The following SDHA variants were observed in gnomAD, a reference collection of about 807,000 sequenced individuals.
SDHA encodes the protein succinate dehydrogenase [ubiquinone] flavoprotein subunit, mitochondrial.
In SDHA, 48 loss-of-function variants were observed where a neutral mutation model predicts 78.4. That is an observed-to-expected ratio of 0.61 (90% CI 0.49 to 0.78). The LOEUF (loss-of-function observed/expected upper bound fraction) is 0.78, where lower values mean the gene tolerates loss of function less well. Ranked by LOEUF, SDHA falls within the 30% of genes least tolerant of loss-of-function variation. The pLI is 0.00. For missense variants in SDHA, 680 were observed against 892.7 expected (o/e 0.76, Z 3.04); for synonymous variants, 326 against 353.9 (o/e 0.92, Z 0.88).
At chr5:238,636 G>T (rs2126596646) in intron 10 of SDHA, among the ~76,000 whole-genome samples, 1 of 152,264 alleles carries the variant, frequency 6.6e-6, no homozygotes. Context: ...TCCCGAAGTG[G>T]TTACATGCGC....
intron 5 of SDHA, chr5:227,795 T>G (rs1204488989): frequency 3.4e-6 from 1 of 290,380 alleles, no homozygotes; most frequent in Non-Finnish European, 6.7e-6. Context: ...TTATTTTAAT[T>G]AATTAAGTGG....
rs570393010 is a variant in SDHA, at chr5:230,978, G to A, written c.873G>A (p.Glu291=). The A allele has an allele frequency of 6.4e-5, 103 of 1,613,970 alleles. No homozygotes were observed. The South Asian group carries it at 1.1e-3, about 18-fold the overall frequency. ...CAGGCCTTCCTTGCCAGGACCTAGA[G>A]TTTGTTCAGTTCCACCCTACAGGTA... is the stretch of plus-strand genomic sequence containing the variant. The part of the protein sequence containing the change: ...TRAGLPCQDL[E]FVQFHPTGIY... The change falls in exon 7 of 15, where the codon GAG becomes GAA. Residue 291 remains glutamate (E), a synonymous_variant. Transcript: ENST00000264932.
chr5:257,616 C>T (rs1324062498), downstream of SDHA, among the ~76,000 whole-genome samples: 1 of 116,688 alleles, frequency 8.6e-6, no homozygotes, highest in African/African-American at 4.4e-5. Context: ...CCACCCCCTG[C>T]CAGAGCATTA....
rs765784494 is a variant in SDHA at position 225,539 on chromosome 5, C to G, written c.433C>G (p.Gln145Glu). 2 of 1,613,830 alleles carry G rather than the reference C, an allele frequency of 1.2e-6. No homozygotes were observed. The highest frequency in any genetic ancestry group is 4.5e-5 in the East Asian group (2 of 44,884). The change falls in exon 4 of 15, where the codon CAG (glutamine) becomes GAG (glutamate). Residue 145 changes from glutamine (Q) to glutamate (E), a missense_variant. By Grantham distance (29) the Gln-to-Glu change is conservative. Coordinates refer to ENST00000264932, the MANE Select transcript of SDHA (RefSeq NM_004168.4). ...GGATGCCATCCACTACATGACGGAGCAGGCCCCCGCCGCCGTGGTCGAGGT... is the reference window on the plus strand; with the variant it reads ...GGATGCCATCCACTACATGACGGAGGAGGCCCCCGCCGCCGTGGTCGAGGT... The part of the protein sequence containing the change: ...DQDAIHYMTE[Q>E]APAAVVELEN...
intron 11 of SDHA, among the ~76,000 whole-genome samples, chr5:248,551 G>A (rs559419567): frequency 1.1e-3 from 166 of 152,158 alleles, no homozygotes; most frequent in African/African-American, 3.8e-3. Context: ...ACTCTATGAT[G>A]CAGTTACACA....
At chr5:246,734 T>C (rs547129612) in intron 11 of SDHA, among the ~76,000 whole-genome samples, 2 of 152,260 alleles carry the variant, frequency 1.3e-5, no homozygotes, top group African/African-American at 4.8e-5. Context: ...ACTGGTGTTA[T>C]TGTTCAAGAG....
intron 10 of SDHA, 25 bp downstream of exon 10, chr5:236,624 A>G: frequency 6.2e-7 from 1 of 1,609,430 alleles, no homozygotes; most frequent in Non-Finnish European, 8.5e-7. Context: ...CAGGAGCCAG[A>G]CTATTTGAGA....
the SDHA span, among the ~76,000 whole-genome samples, chr5:267,554 A>G: frequency 2.0e-5 from 3 of 152,234 alleles, no homozygotes; most frequent in Non-Finnish European, 4.4e-5. Flanking sequence ...TCAGATGCAT[A>G]AGAGGGTGCA....
At chr5:222,501 C>T (rs188064508) in intron 1 of SDHA, among the ~76,000 whole-genome samples, 7 of 152,106 alleles carry the variant, frequency 4.6e-5, no homozygotes, top group Non-Finnish European at 8.8e-5. Context: ...GTGCCCGCCA[C>T]GACGCCCAGC....
chr5:243,118 G>A (rs549363394), intron 11 of SDHA, among the ~76,000 whole-genome samples: 48 of 152,306 alleles, frequency 3.2e-4, no homozygotes, highest in African/African-American at 1.1e-3. Flanking sequence ...AATTCAGCAA[G>A]CTAGATGAGA....
chr5:226,466 T>C, intron 5 of SDHA, among the ~76,000 whole-genome samples: 1 of 152,090 alleles, frequency 6.6e-6, no homozygotes, highest in East Asian at 1.9e-4. Flanking sequence ...ACCCTGTCTC[T>C]ACAAAAAGTT....
intron 8 of SDHA, 152 bp downstream of exon 8, chr5:233,797 A>T: frequency 2.7e-6 from 2 of 735,576 alleles, no homozygotes; most frequent in Non-Finnish European, 4.6e-6. Context: ...TTAGTCTGCG[A>T]TATTTTCCTA....
In SDHA at chr5:233,598, T is replaced by C. The variant is rs752738784; in HGVS notation, c.1017T>C (p.Ser339=). 1.2e-6 allele frequency: 2 copies of C among 1,614,064 alleles called. No homozygotes were observed. Among genetic ancestry groups the C allele is most frequent in the Non-Finnish European group, 1.7e-6 (2 of 1,180,026 alleles). The stretch of plus-strand genomic sequence containing the variant: ...CCCCTGTCGCGAAGGACCTGGCGTC[T>C]AGAGATGTGGTGTCTCGGTCCATGA... The part of the protein sequence containing the change: ...RYAPVAKDLA[S]RDVVSRSMTL... Residue 339 remains serine (S), a synonymous_variant, in exon 8 of 15, where the codon TCT becomes TCC. Coordinates refer to ENST00000264932, the MANE Select transcript of SDHA (RefSeq NM_004168.4).
chr5:255,038 C>T (rs572988702), intron 14 of SDHA, among the ~76,000 whole-genome samples: 2 of 151,574 alleles, frequency 1.3e-5, no homozygotes, highest in Admixed American at 1.3e-4. Context: ...TTGGGGTGAG[C>T]AGTGTCCTGG....
At chr5:242,362 A>C (rs1736196426) in intron 11 of SDHA, among the ~76,000 whole-genome samples, 1 of 152,232 alleles carries the variant, frequency 6.6e-6, no homozygotes, top group Admixed American at 6.5e-5. Context: ...CGCTTAAGGC[A>C]TTCTTAAACC....
At chr5:226,410 T>A (rs973777030) in intron 5 of SDHA, among the ~76,000 whole-genome samples, 3 of 152,034 alleles carry the variant, frequency 2.0e-5, no homozygotes, top group African/African-American at 7.3e-5. Flanking sequence ...GGCAGGAGGA[T>A]CACTTGAGAC....
chr5:259,853 C>G (rs1338289987), downstream of SDHA, among the ~76,000 whole-genome samples: 1 of 30,234 alleles, frequency 3.3e-5, no homozygotes, highest in African/African-American at 2.9e-4. Context: ...CTCCGCCTCC[C>G]GTCACAGCAT....
At chr5:253,876 C>A (rs1737008845) in intron 13 of SDHA, among the ~76,000 whole-genome samples, 1 of 152,090 alleles carries the variant, frequency 6.6e-6, no homozygotes. Context: ...GCCTGGGCAA[C>A]ATGGCGAAAC....
intron 1 of SDHA, among the ~76,000 whole-genome samples, chr5:222,350 C>CTT (rs750198454): frequency 0.12 from 16,384 of 135,274 alleles, 1,118 homozygotes; most frequent in Admixed American, 0.15. Flanking sequence ...TTTTTCTTTT[C>CTT]TTTTTTTTTT....
Sources: allele counts gnomAD v4.1 joint callset (sites outside exome capture counted in the v4.1 genomes callset), GRCh38; gene constraint gnomAD v4.1.1; transcripts MANE v1.5; gene names NCBI Gene and HGNC (gene_info 2026-07-23, HGNC 2026-07-21).